The following MTRF1 variants were observed in gnomAD, a reference collection of about 807,000 sequenced individuals.
The protein encoded by MTRF1 is peptide chain release factor 1, mitochondrial.
MTRF1 carries 51 observed loss-of-function variants against 62.9 expected under a neutral mutation model. The ratio of observed to expected loss-of-function variants is 0.81; its 90% CI spans 0.65 to 1.02. The LOEUF is 1.02. Among genes scored for constraint, MTRF1 ranks in the 50% least tolerant of loss-of-function variants. The pLI, the probability that MTRF1 is intolerant of heterozygous loss-of-function variation, is 0.00. For missense variants in MTRF1, 446 were observed against 530.0 expected (o/e 0.84, Z 1.56); for synonymous variants, 158 against 181.9 (o/e 0.87, Z 1.06).
chr13:41,282,372 G>A, the MTRF1 span, among the ~76,000 whole-genome samples: 2 of 151,868 alleles, frequency 1.3e-5, no homozygotes, highest in African/African-American at 4.8e-5. Context: ...CAGGAGGATT[G>A]CTTGAGCCTG....
In MTRF1 at chr13:41,249,619, C is replaced by CTTTTTTTTTTTTTT. The variant is rs1166204914; in HGVS notation, c.697+3012_697+3025dup. 7.3e-4 allele frequency among the ~76,000 whole-genome samples: 45 copies of CTTTTTTTTTTTTTT among 61,544 alleles called. 2 individuals carry two copies. Among genetic ancestry groups the CTTTTTTTTTTTTTT allele is most frequent in the East Asian group, 1.9e-3 (3 of 1,552 alleles). The allele number at this position is 61,544 out of a possible 152,430, so 40.4% of individuals were successfully genotyped here. On this transcript the variant is annotated intron_variant, in intron 5 of 9. Transcript: ENST00000379480. ...TATTCTTAGTCTTTGATTTTTTTTT[C>CTTTTTTTTTTTTTT]TTTTTTTTTTTTTTTTTTTTTTTTT... is the stretch of plus-strand genomic sequence containing the variant.
chr13:41,268,975 T>C, the MTRF1 span, among the ~76,000 whole-genome samples: 1 of 151,584 alleles, frequency 6.6e-6, no homozygotes, highest in Non-Finnish European at 1.5e-5. Flanking sequence ...ACACAGACCA[T>C]TCATGACATG....
At chr13:41,221,250 G>C (rs1384198154) in intron 9 of MTRF1, among the ~76,000 whole-genome samples, 1 of 150,988 alleles carries the variant, frequency 6.6e-6, no homozygotes, top group African/African-American at 2.4e-5. Flanking sequence ...TCCACCTCCC[G>C]GGTTCATGCC....
At chr13:41,271,291 T>C in the MTRF1 span, among the ~76,000 whole-genome samples, 2 of 152,204 alleles carry the variant, frequency 1.3e-5, no homozygotes, top group Non-Finnish European at 2.9e-5. Context: ...CTCTTTTCCC[T>C]TAATGTAAAT....
At chr13:41,236,328 C>T (rs1045104177) in intron 6 of MTRF1, 1 of 152,240 alleles carries the variant, frequency 6.6e-6, no homozygotes, top group African/African-American at 2.4e-5. Flanking sequence ...GTTGGCCAGG[C>T]TGGTCTCGAA....
At chr13:41,220,053 G>A (rs1309141155) in intron 9 of MTRF1, among the ~76,000 whole-genome samples, 4 of 150,382 alleles carry the variant, frequency 2.7e-5, no homozygotes, top group African/African-American at 7.3e-5. Context: ...ACTGCTGGGG[G>A]CGCGGTGGCT....
At chr13:41,253,305 C>T (rs998876108) in intron 3 of MTRF1, among the ~76,000 whole-genome samples, 2 of 152,148 alleles carry the variant, frequency 1.3e-5, no homozygotes, top group African/African-American at 4.8e-5. Flanking sequence ...GATCAAAGTC[C>T]AGGGTGTTCC....
At chr13:41,309,049 C>A in the MTRF1 span, among the ~76,000 whole-genome samples, 6 of 152,176 alleles carry the variant, frequency 3.9e-5, no homozygotes, top group Non-Finnish European at 8.8e-5. Flanking sequence ...CTGCAAAGGA[C>A]ATGGTCTCAT....
At chr13:41,245,249 CT>C (rs35926535) in intron 5 of MTRF1, among the ~76,000 whole-genome samples, 33 of 147,706 alleles carry the variant, frequency 2.2e-4, no homozygotes, top group African/African-American at 3.5e-4. Context: ...CTTCATATTG[CT>C]TTTTTTTTTT....
chr13:41,278,312 G>A, the MTRF1 span, among the ~76,000 whole-genome samples: 10 of 152,330 alleles, frequency 6.6e-5, no homozygotes, highest in African/African-American at 2.2e-4. Flanking sequence ...AAGCAAGGGA[G>A]GAATATAGGG....
At chr13:41,306,157 C>A in the MTRF1 span, among the ~76,000 whole-genome samples, 1 of 151,978 alleles carries the variant, frequency 6.6e-6, no homozygotes, top group Admixed American at 6.6e-5. Context: ...CCGAGGTGGG[C>A]AGATTACGAG....
chr13:41,288,205 A>G, the MTRF1 span: 2 of 465,262 alleles, frequency 4.3e-6, no homozygotes, highest in Non-Finnish European at 8.6e-6. Flanking sequence ...CAGCAGAATA[A>G]TTGTCAAAGA....
At chr13:41,253,479 G>C (rs2039333893) in intron 3 of MTRF1, among the ~76,000 whole-genome samples, 1 of 152,174 alleles carries the variant, frequency 6.6e-6, no homozygotes, top group Non-Finnish European at 1.5e-5. Context: ...TGCCTTCTCA[G>C]CAGAGACGCT....
At chr13:41,311,283 G>A in the MTRF1 span, 15 of 472,386 alleles carry the variant, frequency 3.2e-5, no homozygotes, top group Admixed American at 8.1e-5. Context: ...CGCGGGAACC[G>A]CCGCCGCCGC....
chr13:41,259,721 AC>A (rs755138060), intron 2 of MTRF1, among the ~76,000 whole-genome samples: 8 of 149,482 alleles, frequency 5.4e-5, no homozygotes, highest in East Asian at 1.9e-4. Flanking sequence ...AAAAAAAAAA[AC>A]ATAAAAATAA....
At chr13:41,226,694 A>G (rs2034493933) in intron 7 of MTRF1, 126 bp from the exon 8 acceptor site, 3 of 1,072,586 alleles carry the variant, frequency 2.8e-6, no homozygotes, top group Non-Finnish European at 4.1e-6. Flanking sequence ...TTTTAGGTTT[A>G]GCACACTTCA....
At chr13:41,273,182 T>C in the MTRF1 span, among the ~76,000 whole-genome samples, 48 of 151,824 alleles carry the variant, frequency 3.2e-4, no homozygotes, top group Admixed American at 5.9e-4. Flanking sequence ...AAAAATTAGC[T>C]GGGCGTGGTG....
chr13:41,289,169 T>C, the MTRF1 span, among the ~76,000 whole-genome samples: 1 of 152,294 alleles, frequency 6.6e-6, no homozygotes, highest in South Asian at 2.1e-4. Context: ...TGTCTTCTCT[T>C]ATTCTACGCA....
chr13:41,283,682 C>T, the MTRF1 span, among the ~76,000 whole-genome samples: 890 of 149,256 alleles, frequency 6.0e-3, 3 homozygotes, highest in Non-Finnish European at 9.7e-3. Flanking sequence ...CTCCGCCTCC[C>T]GGGTTCACGC....
Sources: gnomAD v4.1 joint callset for allele counts (sites outside exome capture counted in the v4.1 genomes callset) on GRCh38, gnomAD v4.1.1 for gene constraint, MANE v1.5 for transcripts, NCBI Gene and HGNC (gene_info 2026-07-23, HGNC 2026-07-21) for gene names.